The following TMCC2 variants were observed in gnomAD, a reference collection of about 807,000 sequenced individuals.
TMCC2 encodes the protein transmembrane and coiled-coil domain family 2.
TMCC2 carries 16 observed loss-of-function variants against 49.4 expected under a neutral mutation model. That is an observed-to-expected ratio of 0.32 (90% CI 0.22 to 0.49). The LOEUF (loss-of-function observed/expected upper bound fraction) is 0.49, where lower values mean the gene tolerates loss of function less well. TMCC2 is among the 20% of genes least tolerant of loss of function. TMCC2 has a pLI of 0.99. For synonymous variants in TMCC2, 397 were observed against 434.1 expected (o/e 0.91, Z 1.06); for missense variants, 762 against 989.8 (o/e 0.77, Z 3.09).
intron 1 of TMCC2, chr1:205,229,029 T>C (rs1293989207): frequency 3.0e-6 from 4 of 1,337,468 alleles, no homozygotes; most frequent in Non-Finnish European, 3.8e-6. Context: ...CGAGATTGTT[T>C]GAATAATGTG....
intron 2 of TMCC2, among the ~76,000 whole-genome samples, chr1:205,246,188 A>G (rs1660444727): frequency 6.6e-6 from 1 of 151,944 alleles, no homozygotes; most frequent in Admixed American, 6.6e-5. Flanking sequence ...ACAGAAAGAG[A>G]GAAGTCAAAT....
chr1:205,269,366 C>T lies in TMCC2; in HGVS notation c.1164C>T (p.Gly388=), dbSNP rs569242065. Residue 388 remains glycine (G), a synonymous_variant, in exon 3 of 5, where the codon GGC becomes GGT. Coordinates refer to ENST00000358024, the MANE Select transcript of TMCC2 (RefSeq NM_014858.4). ...RDMQQGLKDV[G]ANVRAGISGF... ...TGCAGCAGGGGCTGAAGGACGTGGG[C>T]GCCAACGTGCGCGCAGGCATCAGCG... 12 of 1,611,668 alleles carry T rather than the reference C, an allele frequency of 7.4e-6. No individual in the cohort carries two copies. Among genetic ancestry groups the T allele is most frequent in the South Asian group, 2.2e-5 (2 of 91,006 alleles).
chr1:205,269,003 C>T lies in TMCC2; in HGVS notation c.801C>T (p.Thr267=), dbSNP rs768191600. The T allele has an allele frequency of 5.2e-5, 84 of 1,613,184 alleles. No individual in the cohort carries two copies. The highest frequency in any genetic ancestry group is 3.1e-4 in the East Asian group (14 of 44,882). Reference sequence around the variant, plus strand: ...GCCTCCCCGCCGGCCATGGTGACACCGACGGCCCCATCAGCCTGGACGTGC... The same window carrying T: ...GCCTCCCCGCCGGCCATGGTGACACTGACGGCCCCATCAGCCTGGACGTGC... ...ALSLPAGHGD[T]DGPISLDVPD... The change falls in exon 3 of 5, where the codon ACC becomes ACT. Residue 267 remains threonine, a synonymous_variant. Transcript: ENST00000358024.
intron 2 of TMCC2, among the ~76,000 whole-genome samples, chr1:205,255,107 G>A (rs1231122607): frequency 6.6e-6 from 1 of 151,762 alleles, no homozygotes; most frequent in Non-Finnish European, 1.5e-5. Flanking sequence ...GGTGGTTGAG[G>A]TGGGAGGATT....
At chr1:205,249,022 G>A (rs1660563183) in intron 2 of TMCC2, among the ~76,000 whole-genome samples, 1 of 152,196 alleles carries the variant, frequency 6.6e-6, no homozygotes, top group African/African-American at 2.4e-5. Flanking sequence ...AGGAGACTCT[G>A]TGGAGGTGCT....
intron 1 of TMCC2, among the ~76,000 whole-genome samples, chr1:205,235,614 C>T (rs1400172800): frequency 6.6e-6 from 1 of 152,126 alleles, no homozygotes; most frequent in African/African-American, 2.4e-5. Context: ...TGGCATCTGC[C>T]TTTGAAATCC....
chr1:205,255,630 A>G (rs1172149), intron 2 of TMCC2, among the ~76,000 whole-genome samples: 78,065 of 152,018 alleles, frequency 0.51, 21,490 homozygotes, highest in Middle Eastern at 0.64. Context: ...ACAGAACTGC[A>G]GTGGCTGGAC....
chr1:205,244,827 A>G lies in TMCC2; in HGVS notation c.747+2783A>G, dbSNP rs569376762. On this transcript the variant is annotated intron_variant, in intron 2 of 4. Transcript: ENST00000358024. The stretch of plus-strand genomic sequence containing the variant: ...GATAGGAGAAGGCTGATGAATGTGG[A>G]GAAAAGGAGATGGGGGTACTGAGGG... Among the ~76,000 whole-genome samples the G allele has an allele frequency of 1.4e-4, 21 of 152,124 alleles. No homozygotes were observed. In the South Asian group the frequency reaches 4.0e-3, roughly 29 times the overall value.
chr1:205,266,312 C>T (rs113598185), intron 2 of TMCC2, among the ~76,000 whole-genome samples: 2,436 of 145,790 alleles, frequency 0.017, 30 homozygotes, highest in Middle Eastern at 0.049. Flanking sequence ...AATTTTGGGC[C>T]GGGCGCGGTG....
chr1:205,227,978 G>C lies in TMCC2; in HGVS notation c.-587G>C, dbSNP rs1265875789. ...CGCCGCGGGCTCGGGCCGCGGTCGC[G>C]GCTTTGCGGCAGGCTGCGCGTCAGG... On this transcript the variant is annotated 5_prime_UTR_variant, in exon 1 of 5. Coordinates refer to ENST00000358024, the MANE Select transcript of TMCC2 (RefSeq NM_014858.4). Among the ~76,000 whole-genome samples, 1 of 150,164 alleles carries C rather than the reference G, an allele frequency of 6.7e-6. No homozygotes were observed. Among genetic ancestry groups the C allele is most frequent in the Non-Finnish European group, 1.5e-5 (1 of 67,322 alleles).
At chr1:205,235,845 G>C (rs111672309) in intron 1 of TMCC2, among the ~76,000 whole-genome samples, 6,804 of 152,122 alleles carry the variant, frequency 0.045, 199 homozygotes, top group Non-Finnish European at 0.065. Flanking sequence ...CGAGGCAGGG[G>C]GGTCACGAGG....
At position 205,232,184 on chromosome 1, in the gene TMCC2, A is replaced by G. The variant is rs578148446; in HGVS notation, c.207+3413A>G. ...CTGTGATTATAGGGTGGGAAGGGCC[A>G]GTGAAAAGTAGTAGTTAAGCAGCAA... On this transcript the variant is annotated intron_variant, in intron 1 of 4. Coordinates refer to ENST00000358024, the MANE Select transcript of TMCC2 (RefSeq NM_014858.4). Among the ~76,000 whole-genome samples the G allele has an allele frequency of 2.6e-5, 4 of 152,326 alleles. No individual in the cohort carries two copies. In the East Asian group the frequency reaches 5.8e-4, roughly 22 times the overall value.
chr1:205,259,065 C>T (rs968657521), intron 2 of TMCC2, among the ~76,000 whole-genome samples: 2 of 152,224 alleles, frequency 1.3e-5, no homozygotes, highest in African/African-American at 4.8e-5. Context: ...GTGTTCTGCA[C>T]AGGCCTGGGC....
intron 2 of TMCC2, among the ~76,000 whole-genome samples, chr1:205,244,693 G>T (rs1660391773): frequency 6.6e-6 from 1 of 152,202 alleles, no homozygotes. Context: ...AGGGTTGGGG[G>T]TTGCTGGGAG....
chr1:205,267,164 G>A (rs1187408332), intron 2 of TMCC2, among the ~76,000 whole-genome samples: 1 of 152,166 alleles, frequency 6.6e-6, no homozygotes, highest in Non-Finnish European at 1.5e-5. Flanking sequence ...ATTAGGGATG[G>A]GGTTGTGGTT....
At chr1:205,236,586 GT>G (rs1660058842) in intron 1 of TMCC2, 2 of 152,224 alleles carry the variant, frequency 1.3e-5, no homozygotes, top group African/African-American at 4.8e-5. Context: ...AGCTCCTGCT[GT>G]CCAGTCACTC....
At chr1:205,244,068 CAGTAGCAAG>C (rs1300123494) in intron 2 of TMCC2, among the ~76,000 whole-genome samples, 1 of 152,182 alleles carries the variant, frequency 6.6e-6, no homozygotes, top group Non-Finnish European at 1.5e-5. Context: ...TGTGCACAGG[CAGTAGCAAG>C]CAGTGGCTGT....
At chr1:205,236,068 CAAA>C (rs3060144) in intron 1 of TMCC2, among the ~76,000 whole-genome samples, 101 of 116,188 alleles carry the variant, frequency 8.7e-4, no homozygotes, top group East Asian at 1.6e-3. Flanking sequence ...GACTCTGTCT[CAAA>C]AAAAAAAAAA....
intron 3 of TMCC2, 61 bp from the exon 4 acceptor site, chr1:205,271,059 T>C (rs1661568478): frequency 1.3e-6 from 2 of 1,595,184 alleles, no homozygotes; most frequent in East Asian, 2.2e-5. Context: ...ATGAATCAAC[T>C]GTGGGAGAGA....
Sources: gnomAD v4.1 joint callset for allele counts (sites outside exome capture counted in the v4.1 genomes callset) on GRCh38, gnomAD v4.1.1 for gene constraint, MANE v1.5 for transcripts, NCBI Gene and HGNC (gene_info 2026-07-23, HGNC 2026-07-21) for gene names.